The following TG variants were observed in gnomAD, a reference collection of about 807,000 sequenced individuals.
The protein encoded by TG is thyroglobulin.
TG carries 270 observed loss-of-function variants against 324.7 expected under a neutral mutation model. The ratio of observed to expected loss-of-function variants is 0.83; its 90% CI spans 0.75 to 0.92. The LOEUF (loss-of-function observed/expected upper bound fraction) is 0.92, where lower values mean the gene tolerates loss of function less well. TG is among the 40% of genes least tolerant of loss of function. The probability of loss-of-function intolerance (pLI) is 0.00; values close to 1 mark genes in which losing one functional copy is unlikely to be tolerated. For missense variants in TG, 3,591 were observed against 3,456.4 expected (o/e 1.04, Z -0.98); for synonymous variants, 1,401 against 1,327.0 (o/e 1.06, Z -1.21).
chr8:133,013,882 G>A, intron 37 of TG, 118 bp downstream of exon 37: 3 of 1,308,652 alleles, frequency 2.3e-6, no homozygotes, highest in Non-Finnish European at 3.2e-6. Flanking sequence ...TTCTGGGCTA[G>A]GTGGCACTCA....
intron 44 of TG, among the ~76,000 whole-genome samples, chr8:133,115,733 G>T (rs907540576): frequency 6.6e-6 from 1 of 152,220 alleles, no homozygotes; most frequent in Non-Finnish European, 1.5e-5. Context: ...TTGAAAACCT[G>T]GTGGGCCCAG....
intron 4 of TG, 46 bp from the exon 5 acceptor site, chr8:132,873,016 T>C: frequency 6.2e-7 from 1 of 1,607,836 alleles, no homozygotes; most frequent in African/African-American, 1.3e-5. Context: ...TGCAGAAATA[T>C]GTGTCTACTC....
chr8:132,933,613 A>G lies in TG; in HGVS notation c.4869A>G (p.Pro1623=). The change falls in exon 24 of 48, where the codon CCA becomes CCG. Residue 1623 remains proline, a synonymous_variant. Transcript: ENST00000220616. ...TCTTCACCGTGTCCACGACGGAGCC[A>G]GAGATTTCCTGTGATTTCTATGCTT... ...CSFFTVSTTE[P]EISCDFYAWT... The G allele has an allele frequency of 6.2e-7, 1 of 1,613,724 alleles. No individual in the cohort carries two copies. Among genetic ancestry groups the G allele is most frequent in the Non-Finnish European group, 8.5e-7 (1 of 1,179,748 alleles).
chr8:132,939,561 G>A (rs1214894517), intron 25 of TG, among the ~76,000 whole-genome samples: 1 of 152,212 alleles, frequency 6.6e-6, no homozygotes, highest in African/African-American at 2.4e-5. Flanking sequence ...AATGCTTGGA[G>A]GGAGAAGACG....
At chr8:132,877,027 T>C (rs549829140) in intron 5 of TG, among the ~76,000 whole-genome samples, 1 of 152,256 alleles carries the variant, frequency 6.6e-6, no homozygotes, top group Non-Finnish European at 1.5e-5. Flanking sequence ...TGGAAGGTAC[T>C]GTATGGAGAA....
chr8:132,966,466 C>CTCTG (rs1554682771), intron 29 of TG, 94 bp from the exon 30 acceptor site: 22 of 974,210 alleles, frequency 2.3e-5, no homozygotes, highest in Non-Finnish European at 2.6e-5. Context: ...GTCTCTCTCT[C>CTCTG]TGTGTGTGTG....
chr8:133,124,941 C>G (rs759313297), intron 45 of TG, among the ~76,000 whole-genome samples: 3 of 152,172 alleles, frequency 2.0e-5, no homozygotes, highest in Non-Finnish European at 2.9e-5. Flanking sequence ...AAAGAAAATA[C>G]GAAGTGGATA....
intron 36 of TG, 29 bp from the exon 37 acceptor site, chr8:133,013,571 A>G: frequency 6.2e-7 from 1 of 1,613,816 alleles, no homozygotes; most frequent in East Asian, 2.2e-5. Context: ...CTGAGGCCCA[A>G]GCATCACTCT....
In TG at chr8:132,911,597, A is replaced by G; in HGVS notation, c.4159+64A>G. 3.6e-6 allele frequency: 5 copies of G among 1,381,626 alleles called. 1 individual carries two copies. The highest frequency in any genetic ancestry group is 2.3e-5 in the East Asian group (1 of 43,836). 85.6% of individuals were successfully genotyped at this position (1,381,626 alleles called of 1,614,324 possible). Reference sequence around the variant, plus strand: ...AGCCTCTCTGAGTCTCAGTTTTCTCATCTGCCAAATGGAGCTGGTGAAGAA... The same window carrying G: ...AGCCTCTCTGAGTCTCAGTTTTCTCGTCTGCCAAATGGAGCTGGTGAAGAA... On this transcript the variant is annotated intron_variant, in intron 19 of 47. Transcript: ENST00000220616.
At chr8:133,044,942 G>T in intron 41 of TG, 1 of 1,608,538 alleles carries the variant, frequency 6.2e-7, no homozygotes, top group Non-Finnish European at 8.5e-7. Context: ...TAGCTAAGAG[G>T]GGTCCCACCA....
intron 41 of TG, among the ~76,000 whole-genome samples, chr8:133,053,047 T>C (rs763402494): frequency 3.4e-4 from 51 of 152,206 alleles, no homozygotes; most frequent in Middle Eastern, 3.2e-3. Flanking sequence ...TTTCTCCAAC[T>C]TGCCAGGCAC....
At chr8:132,882,639 C>A in intron 7 of TG, 27 bp downstream of exon 7, 1 of 1,614,192 alleles carries the variant, frequency 6.2e-7, no homozygotes, top group Non-Finnish European at 8.5e-7. Context: ...CAACAATGTG[C>A]GTGTTTCCAT....
rs1472221724 is a variant in TG at position 133,012,009 on chromosome 8, C to T, written c.6371C>T (p.Ser2124Phe). 6.2e-7 allele frequency: 1 copy of T among 1,614,212 alleles called. No individual in the cohort carries two copies. Among genetic ancestry groups the T allele is most frequent in the East Asian group, 2.2e-5 (1 of 44,890 alleles). ...AGCACTGCTGCCACCAGCAATTTCT[C>T]TGCTGTCCGAGACCTCTGTTTGTCG... ...HVSTAATSNF[S>F]AVRDLCLSEC... Residue 2124 changes from serine (S) to phenylalanine (F), a missense_variant, in exon 36 of 48, where the codon TCT (serine) becomes TTT (phenylalanine). Transcript: ENST00000220616.
chr8:133,051,594 C>T (rs894905215), intron 41 of TG, among the ~76,000 whole-genome samples: 3 of 152,098 alleles, frequency 2.0e-5, no homozygotes, highest in Admixed American at 2.0e-4. Flanking sequence ...TAGTACTTTT[C>T]CTAATAGTGT....
intron 45 of TG, among the ~76,000 whole-genome samples, chr8:133,130,695 C>T (rs774504084): frequency 5.3e-5 from 8 of 152,174 alleles, no homozygotes; most frequent in Admixed American, 1.3e-4. Flanking sequence ...GATTTCAGTC[C>T]ACTAAGATCG....
chr8:132,930,995 G>A (rs1563968665), intron 23 of TG, among the ~76,000 whole-genome samples: 1 of 152,190 alleles, frequency 6.6e-6, no homozygotes, highest in Admixed American at 6.5e-5. Flanking sequence ...CACTGTGTTA[G>A]TCTGTTTGGG....
At chr8:132,938,259 C>G (rs568442439) in intron 25 of TG, among the ~76,000 whole-genome samples, 1 of 152,276 alleles carries the variant, frequency 6.6e-6, no homozygotes, top group East Asian at 1.9e-4. Flanking sequence ...AAGAAAGGGC[C>G]TGAGTCCCAG....
chr8:133,049,431 A>C, intron 41 of TG: 1 of 275,996 alleles, frequency 3.6e-6, no homozygotes, highest in South Asian at 3.7e-5. Context: ...ACAACCCTAC[A>C]CTTTGATCAT....
chr8:132,961,867 G>T (rs1374236019), intron 28 of TG, among the ~76,000 whole-genome samples: 1 of 152,168 alleles, frequency 6.6e-6, no homozygotes, highest in African/African-American at 2.4e-5. Context: ...GCTTCTACAT[G>T]CTGATAAACT....
Sources: gnomAD v4.1 joint callset for allele counts (sites outside exome capture counted in the v4.1 genomes callset) on GRCh38, gnomAD v4.1.1 for gene constraint, MANE v1.5 for transcripts, NCBI Gene and HGNC (gene_info 2026-07-23, HGNC 2026-07-21) for gene names.